Variants in ZNF521 observed in about 807,000 individuals in gnomAD.
ZNF521 encodes LYST-interacting protein 3.
ZNF521 carries 14 observed loss-of-function variants against 105.5 expected under a neutral mutation model. The ratio of observed to expected loss-of-function variants is 0.13; its 90% confidence interval spans 0.09 to 0.21. The LOEUF (loss-of-function observed/expected upper bound fraction) is 0.21, where lower values mean the gene tolerates loss of function less well. Among genes scored for constraint, ZNF521 ranks in the 10% least tolerant of loss-of-function variants. The pLI, the probability that ZNF521 is intolerant of heterozygous loss-of-function variation, is 1.00. For synonymous variants in ZNF521, 635 were observed against 606.0 expected (o/e 1.05, Z -0.70); for missense variants, 1,233 against 1,629.7 (o/e 0.76, Z 4.19).
intron 3 of ZNF521, among the ~76,000 whole-genome samples, chr18:25,307,235 C>G (rs1457488260): frequency 2.0e-5 from 3 of 152,178 alleles, no homozygotes; most frequent in African/African-American, 7.2e-5. Flanking sequence ...GTTCCTTCTC[C>G]AATCTAACTC....
rs143160072 is a variant in ZNF521, at chr18:25,338,704, G to A, written c.40+12203C>T. Among the ~76,000 whole-genome samples, 74 of 152,082 alleles carry A rather than the reference G, an allele frequency of 4.9e-4. 1 individual carries two copies. In the East Asian group the frequency reaches 0.012, roughly 25 times the overall value. ...TAGGATTACAGGTGTGAGCCATTGC[G>A]CCCAGTCATTTTCTTTTTAATTACA... On this transcript the variant is annotated intron_variant, in intron 2 of 7. Transcript: ENST00000361524.
chr18:25,333,314 CTATA>C lies in ZNF521; in HGVS notation c.41-11131_41-11128del, dbSNP rs67351091. ...ATAAGGACACACTCTCTCTCTCTCT[CTATA>C]TATATATATATATATACACACATAT... On this transcript the variant is annotated intron_variant, in intron 2 of 7. Transcript: ENST00000361524. 5.5e-5 allele frequency among the ~76,000 whole-genome samples: 8 copies of C among 145,772 alleles called. No individual in the cohort carries two copies. The East Asian group carries it at 8.1e-4, about 15-fold the overall frequency.
At chr18:25,157,665 T>G (rs2035172281) in intron 5 of ZNF521, among the ~76,000 whole-genome samples, 1 of 152,334 alleles carries the variant, frequency 6.6e-6, no homozygotes, top group South Asian at 2.1e-4. Flanking sequence ...TGTGTCTCAG[T>G]GATTTAGAAC....
chr18:25,333,485 C>T (rs1913705995), intron 2 of ZNF521, among the ~76,000 whole-genome samples: 2 of 151,624 alleles, frequency 1.3e-5, no homozygotes, highest in Non-Finnish European at 2.9e-5. Flanking sequence ...TTTTAAAATC[C>T]AACACATTTG....
chr18:25,156,689 T>C (rs1038607628), intron 5 of ZNF521, among the ~76,000 whole-genome samples: 2 of 152,164 alleles, frequency 1.3e-5, no homozygotes, highest in African/African-American at 4.8e-5. Flanking sequence ...TTCATATATA[T>C]GGAAAATCTA....
chr18:25,121,134 CAG>C (rs1440795717), intron 5 of ZNF521, among the ~76,000 whole-genome samples: 1 of 81,298 alleles, frequency 1.2e-5, no homozygotes, highest in Admixed American at 1.8e-4. Context: ...TTTTTTGAGA[CAG>C]AGTCTCGCTC....
At chr18:25,110,561 G>A (rs145048629) in intron 5 of ZNF521, among the ~76,000 whole-genome samples, 2 of 152,168 alleles carry the variant, frequency 1.3e-5, no homozygotes, top group South Asian at 2.1e-4. Flanking sequence ...GCACATGGTT[G>A]ATTCTTCTTT....
chr18:25,221,022 T>C (rs1173044200), intron 4 of ZNF521, among the ~76,000 whole-genome samples: 1 of 152,226 alleles, frequency 6.6e-6, no homozygotes, highest in East Asian at 1.9e-4. Flanking sequence ...TCATTTATTG[T>C]AGGTTATGTG....
intron 3 of ZNF521, among the ~76,000 whole-genome samples, chr18:25,248,531 G>A (rs142074755): frequency 6.1e-4 from 93 of 152,262 alleles, no homozygotes; most frequent in African/African-American, 2.0e-3. Flanking sequence ...TAAATAACAC[G>A]AGTTAGCATA....
chr18:25,338,732 A>G (rs1914038170), intron 2 of ZNF521, among the ~76,000 whole-genome samples: 1 of 152,144 alleles, frequency 6.6e-6, no homozygotes, highest in South Asian at 2.1e-4. Flanking sequence ...TAATTACAGA[A>G]TATACTAATG....
chr18:25,204,096 A>G (rs568630839), intron 4 of ZNF521, among the ~76,000 whole-genome samples: 18 of 152,336 alleles, frequency 1.2e-4, no homozygotes, highest in Admixed American at 1.0e-3. Context: ...AGACTTCCCA[A>G]GAAGTGGAGC....
chr18:25,300,059 G>A (rs1037948981), intron 3 of ZNF521, among the ~76,000 whole-genome samples: 1 of 152,180 alleles, frequency 6.6e-6, no homozygotes, highest in Non-Finnish European at 1.5e-5. Context: ...TGGGCCTCAA[G>A]AGACTGCAAC....
In ZNF521 at chr18:25,152,339, C is replaced by T. The variant is rs137877014; in HGVS notation, c.3658+42821G>A. On this transcript the variant is annotated intron_variant, in intron 5 of 7. Transcript: ENST00000361524. ...ACTAAAAAAACAAAAATTAACCTGG[C>T]GTGGTGGCGCACACCTGTGGTCCCA... Among the ~76,000 whole-genome samples, 202 of 151,900 alleles carry T rather than the reference C, an allele frequency of 1.3e-3. 1 individual carries two copies. Among genetic ancestry groups the T allele is most frequent in the African/African-American group, 4.3e-3 (178 of 41,422 alleles).
intron 2 of ZNF521, among the ~76,000 whole-genome samples, chr18:25,343,152 G>A (rs1310722861): frequency 6.6e-6 from 1 of 152,154 alleles, no homozygotes; most frequent in Non-Finnish European, 1.5e-5. Context: ...AGGTAAATAA[G>A]TTTCCATCTT....
intron 5 of ZNF521, among the ~76,000 whole-genome samples, chr18:25,173,765 G>GAAATA (rs2035488215): frequency 6.6e-6 from 1 of 152,172 alleles, no homozygotes; most frequent in African/African-American, 2.4e-5. Context: ...AAGAAAAAAG[G>GAAATA]GGTCATGTTC....
chr18:25,311,005 G>C (rs984851874), intron 3 of ZNF521, among the ~76,000 whole-genome samples: 1 of 152,134 alleles, frequency 6.6e-6, no homozygotes, highest in African/African-American at 2.4e-5. Flanking sequence ...ACAAAGATGG[G>C]GAAAGGGTTC....
rs947997220 is a variant in ZNF521 at position 25,292,220 on chromosome 18, A to G, written c.220+29788T>C. The stretch of plus-strand genomic sequence containing the variant: ...AGTTTCCCACTTTTTGCTGTATCCC[A>G]TATCAAACTGTGATGCTGACTCAGA... On this transcript the variant is annotated intron_variant, in intron 3 of 7. Coordinates refer to ENST00000361524, the MANE Select transcript of ZNF521 (RefSeq NM_015461.3). Among the ~76,000 whole-genome samples, 5 of 150,368 alleles carry G rather than the reference A, an allele frequency of 3.3e-5. No homozygotes were observed. In the South Asian group the frequency reaches 8.3e-4, roughly 25 times the overall value.
intron 3 of ZNF521, among the ~76,000 whole-genome samples, chr18:25,316,697 T>G (rs1486184387): frequency 1.3e-5 from 2 of 152,138 alleles, no homozygotes; most frequent in African/African-American, 2.4e-5. Flanking sequence ...TTTCTCCCTT[T>G]TTTTCGCTTC....
intron 3 of ZNF521, among the ~76,000 whole-genome samples, chr18:25,301,583 T>A (rs1911643403): frequency 6.6e-6 from 1 of 152,234 alleles, no homozygotes; most frequent in African/African-American, 2.4e-5. Flanking sequence ...GGTGACCTGA[T>A]GCTGTCCTCA....
Sources: allele counts gnomAD v4.1 joint callset (sites outside exome capture counted in the v4.1 genomes callset), GRCh38; gene constraint gnomAD v4.1.1; transcripts MANE v1.5; gene names NCBI Gene and HGNC (gene_info 2026-07-23, HGNC 2026-07-21).